Variants in FGD6 observed in about 807,000 individuals in gnomAD.
The protein encoded by FGD6 is FYVE, RhoGEF and PH domain-containing protein 6.
Under a neutral mutation model 149.4 loss-of-function variants are expected in FGD6, and 90 were observed. The observed-to-expected ratio is 0.60, with a 90% CI of 0.51 to 0.72. The LOEUF is 0.72. FGD6 is among the 30% of genes least tolerant of loss of function. The pLI, the probability that FGD6 is intolerant of heterozygous loss-of-function variation, is 0.00. For missense variants in FGD6, 1,437 were observed against 1,684.8 expected (o/e 0.85, Z 2.57); for synonymous variants, 527 against 584.0 (o/e 0.90, Z 1.41).
In FGD6 at chr12:95,217,344, G is replaced by C; in HGVS notation, c.-104C>G. 7.1e-7 allele frequency: 1 copy of C among 1,406,026 alleles called. No individual in the cohort carries two copies. Among genetic ancestry groups the C allele is most frequent in the Non-Finnish European group, 9.4e-7 (1 of 1,062,380 alleles). The allele number at this position is 1,406,026 out of a possible 1,614,324, so 87.1% of individuals were successfully genotyped here. On this transcript the variant is annotated 5_prime_UTR_variant, in exon 1 of 21. Coordinates refer to ENST00000343958, the MANE Select transcript of FGD6 (RefSeq NM_018351.4). Reference sequence around the variant, plus strand: ...GGTAGGAGAGAAAAGCCCCCGCAGCGCCCACATTCCGTCCCGCCGCCCCGC... The same window carrying C: ...GGTAGGAGAGAAAAGCCCCCGCAGCCCCCACATTCCGTCCCGCCGCCCCGC...
rs2056722747 is a variant in FGD6, at chr12:95,210,884, C to CTAA, written c.397_399dup (p.Leu133dup). The stretch of plus-strand genomic sequence containing the variant: ...AAATTTTCATTCATTTCCAGGGGCT[C>CTAA]TAAAACAAGCTGCTTTACACACAAA... On this transcript the variant is annotated inframe_insertion, in exon 2 of 21. Coordinates refer to ENST00000343958, the MANE Select transcript of FGD6 (RefSeq NM_018351.4). The CTAA allele has an allele frequency of 6.2e-7, 1 of 1,612,894 alleles. No homozygotes were observed. The highest frequency in any genetic ancestry group is 8.5e-7 in the Non-Finnish European group (1 of 1,179,746).
rs561375342 is a variant in FGD6 at position 95,129,736 on chromosome 12, G to A, written c.3082+5003C>T. Reference sequence around the variant, plus strand: ...CACCCAGGCTGGAGTGCAGTGGTACGATCTCAGCTCACTGCAACGTCCACC... The same window carrying A: ...CACCCAGGCTGGAGTGCAGTGGTACAATCTCAGCTCACTGCAACGTCCACC... On this transcript the variant is annotated intron_variant, in intron 8 of 20. Transcript: ENST00000343958. 7.2e-5 allele frequency among the ~76,000 whole-genome samples: 11 copies of A among 152,204 alleles called. No homozygotes were observed. In the South Asian group the frequency reaches 1.9e-3, roughly 26 times the overall value.
intron 17 of FGD6, among the ~76,000 whole-genome samples, chr12:95,091,295 T>C (rs1878047058): frequency 6.6e-6 from 1 of 152,200 alleles, no homozygotes; most frequent in East Asian, 1.9e-4. Context: ...CATTAACATC[T>C]CACTAAATCA....
chr12:95,109,123 C>G (rs576580070), intron 9 of FGD6, among the ~76,000 whole-genome samples: 1 of 152,308 alleles, frequency 6.6e-6, no homozygotes, highest in Admixed American at 6.5e-5. Flanking sequence ...TTGCAAGTGT[C>G]ATTTTGTGAG....
At chr12:95,166,635 T>C (rs532145808) in intron 3 of FGD6, among the ~76,000 whole-genome samples, 1 of 151,982 alleles carries the variant, frequency 6.6e-6, no homozygotes, top group East Asian at 1.9e-4. Context: ...TCAAGGAGGT[T>C]GAAGCTGCAG....
chr12:95,094,412 GACA>G (rs1878172273), intron 15 of FGD6, among the ~76,000 whole-genome samples, 177 bp downstream of exon 15: 1 of 152,132 alleles, frequency 6.6e-6, no homozygotes, highest in Non-Finnish European at 1.5e-5. Context: ...CTTGCAGTGA[GACA>G]ACAATAGGAG....
In FGD6 at chr12:95,085,646, G is replaced by GCAA. The variant is rs1453717951; in HGVS notation, c.4107+131_4107+133dup. ...AACACTGTTCACATTAAAAATAACA[G>GCAA]CAACAACACCTCCCCCATCCAAAAG... On this transcript the variant is annotated intron_variant, in intron 19 of 20. Transcript: ENST00000343958. 6 of 931,140 alleles carry GCAA rather than the reference G, an allele frequency of 6.4e-6. No homozygotes were observed. In the African/African-American group the frequency reaches 1.0e-4, roughly 16 times the overall value. The allele number at this position is 931,140 out of a possible 1,614,324, so 57.7% of individuals were successfully genotyped here.
chr12:95,098,031 T>C (rs534238211), intron 14 of FGD6, among the ~76,000 whole-genome samples: 1 of 152,238 alleles, frequency 6.6e-6, no homozygotes, highest in Non-Finnish European at 1.5e-5. Flanking sequence ...GCCGTGGTCA[T>C]CTCTAAGCTA....
intron 1 of FGD6, among the ~76,000 whole-genome samples, chr12:95,212,921 A>G (rs571016450): frequency 3.3e-5 from 5 of 152,360 alleles, no homozygotes; most frequent in Non-Finnish European, 4.4e-5. Context: ...ATGATGATAC[A>G]TGTCCTCTCA....
intron 17 of FGD6, among the ~76,000 whole-genome samples, chr12:95,090,537 AAG>A (rs1878019694): frequency 1.3e-5 from 2 of 152,224 alleles, no homozygotes; most frequent in South Asian, 2.1e-4. Context: ...TAAAATTGAC[AAG>A]AGTTACTGAC....
chr12:95,164,710 C>A (rs944634765), intron 3 of FGD6, among the ~76,000 whole-genome samples: 1 of 152,138 alleles, frequency 6.6e-6, no homozygotes. Flanking sequence ...GGATTACAGG[C>A]AGGAGGCACC....
rs750861452 is a variant in FGD6, at chr12:95,141,555, GC to G, written c.2686-17del. 5 of 1,613,450 alleles carry G rather than the reference GC, an allele frequency of 3.1e-6. No homozygotes were observed. The highest frequency in any genetic ancestry group is 1.6e-4 in the Middle Eastern group (1 of 6,084). On this transcript the variant is annotated splice_polypyrimidine_tract_variant and intron_variant, in intron 5 of 20. Coordinates refer to ENST00000343958, the MANE Select transcript of FGD6 (RefSeq NM_018351.4). The stretch of plus-strand genomic sequence containing the variant: ...CCCGGAAATCCTATTACAGTCCAGA[GC>G]AGGAAAAACAATACACACACATGTA...
rs573970172 is a variant in FGD6 at position 95,101,686 on chromosome 12, T to C, written c.3497+3321A>G. 2.8e-5 allele frequency among the ~76,000 whole-genome samples: 4 copies of C among 142,848 alleles called. No individual in the cohort carries two copies. In the South Asian group the frequency reaches 9.2e-4, roughly 33 times the overall value. The allele number at this position is 142,848 out of a possible 152,430, so 93.7% of individuals were successfully genotyped here. On this transcript the variant is annotated intron_variant, in intron 14 of 20. Coordinates refer to ENST00000343958, the MANE Select transcript of FGD6 (RefSeq NM_018351.4). ...CTTAATGTTCTTTGAACTTTCTTTTTTTTTTTTTTTTTTTTGAGATGGAGC... is the reference window on the plus strand; with the variant it reads ...CTTAATGTTCTTTGAACTTTCTTTTCTTTTTTTTTTTTTTTGAGATGGAGC...
At chr12:95,126,198 A>T in intron 8 of FGD6, 1 of 1,173,966 alleles carries the variant, frequency 8.5e-7, no homozygotes, top group Middle Eastern at 2.1e-4. Flanking sequence ...ACCTGTTGCT[A>T]AGGGTGCTGC....
At position 95,117,971 on chromosome 12, in the gene FGD6, G is replaced by A. The variant is rs1327156331; in HGVS notation, c.3083-4270C>T. On this transcript the variant is annotated intron_variant, in intron 8 of 20. Coordinates refer to ENST00000343958, the MANE Select transcript of FGD6 (RefSeq NM_018351.4). ...CAGGAGACTCGCTTGAACCTGGGAG[G>A]CAGAGGTTGCAGTGAGCTGAGATCG... Among the ~76,000 whole-genome samples the A allele has an allele frequency of 2.0e-5, 3 of 152,044 alleles. No homozygotes were observed. In the East Asian group the frequency reaches 5.8e-4, roughly 29 times the overall value.
In FGD6 at chr12:95,080,365, G is replaced by A. The variant is rs1313326628; in HGVS notation, c.*1155C>T. 1 of 152,096 alleles carries A rather than the reference G, an allele frequency of 6.6e-6. No homozygotes were observed. Among genetic ancestry groups the A allele is most frequent in the Non-Finnish European group, 1.5e-5 (1 of 68,036 alleles). 9.4% of individuals were successfully genotyped at this position (152,096 alleles called of 1,614,324 possible). ...CTTCTGCTAATCAACAATTGTATGT[G>A]CAAGGTAGTTCATATGTTAAACAGT... On this transcript the variant is annotated 3_prime_UTR_variant, in exon 21 of 21. Transcript: ENST00000343958.
chr12:95,124,058 T>C (rs954766900), intron 8 of FGD6, among the ~76,000 whole-genome samples: 3 of 151,656 alleles, frequency 2.0e-5, no homozygotes, highest in South Asian at 4.2e-4. Flanking sequence ...AGACTACAGG[T>C]GTGTGCCACC....
At chr12:95,083,030 T>TATATATATATATATATATATATATATAC (rs772685891) in intron 20 of FGD6, among the ~76,000 whole-genome samples, 3 of 56,588 alleles carry the variant, frequency 5.3e-5, no homozygotes, top group Non-Finnish European at 9.8e-5. Context: ...TATATATATA[T>TATATATATATATATATATATATATATAC]ACACACACAT....
intron 16 of FGD6, 128 bp downstream of exon 16, chr12:95,092,571 C>CATA (rs1262666916): frequency 7.1e-6 from 7 of 984,788 alleles, no homozygotes; most frequent in East Asian, 2.8e-5. Context: ...CTACCATTAA[C>CATA]ATAATAATAA....
Sources: allele counts gnomAD v4.1 joint callset (sites outside exome capture counted in the v4.1 genomes callset), GRCh38; gene constraint gnomAD v4.1.1; transcripts MANE v1.5; gene names NCBI Gene and HGNC (gene_info 2026-07-23, HGNC 2026-07-21).